The following SLC13A3 variants were observed in gnomAD, a reference collection of about 807,000 sequenced individuals.
SLC13A3 encodes the protein solute carrier family 13 member 3.
A neutral mutation model predicts 59.0 loss-of-function variants in SLC13A3; 40 were observed. That is an observed-to-expected ratio of 0.68 (90% confidence interval 0.53 to 0.88). The LOEUF is 0.88. SLC13A3 is among the 40% of genes least tolerant of loss of function. The probability of loss-of-function intolerance (pLI) is 0.00; values close to 1 mark genes in which losing one functional copy is unlikely to be tolerated. For synonymous variants in SLC13A3, 317 were observed against 330.3 expected (o/e 0.96, Z 0.44); for missense variants, 699 against 783.2 (o/e 0.89, Z 1.28).
chr20:46,673,754 T>G (rs1490720215), upstream of SLC13A3: 1 of 152,214 alleles, frequency 6.6e-6, no homozygotes, highest in Non-Finnish European at 1.5e-5. Flanking sequence ...GGAGTCCCAA[T>G]TGCCCCCTGC....
chr20:46,561,414 T>G (rs1024099926), intron 12 of SLC13A3, among the ~76,000 whole-genome samples: 16 of 152,296 alleles, frequency 1.1e-4, no homozygotes, highest in Middle Eastern at 3.4e-3. Flanking sequence ...CTCAGATTTT[T>G]GGGGTTCACA....
At chr20:46,598,410 A>T (rs149260160) in intron 4 of SLC13A3, among the ~76,000 whole-genome samples, 1 of 152,334 alleles carries the variant, frequency 6.6e-6, no homozygotes, top group African/African-American at 2.4e-5. Context: ...CCTAGAGTTT[A>T]TCTAGAGCAA....
At position 46,610,666 on chromosome 20, in the gene SLC13A3, T is replaced by A. The variant is rs189751411; in HGVS notation, c.378-57A>T. On this transcript the variant is annotated intron_variant, in intron 2 of 12. Coordinates refer to ENST00000279027, the MANE Select transcript of SLC13A3 (RefSeq NM_022829.6). ...AGAACCCAGGGCCCAGGAGATCCTC[T>A]GGTCCCAGTTTGCCATCCCTGAGGA... 36 of 1,473,410 alleles carry A rather than the reference T, an allele frequency of 2.4e-5. No individual in the cohort carries two copies. The East Asian group carries it at 8.2e-4, about 34-fold the overall frequency. The allele number at this position is 1,473,410 out of a possible 1,614,324, so 91.3% of individuals were successfully genotyped here.
At chr20:46,581,736 C>T (rs1263073681) in intron 9 of SLC13A3, among the ~76,000 whole-genome samples, 3 of 152,214 alleles carry the variant, frequency 2.0e-5, no homozygotes, top group East Asian at 1.9e-4. Context: ...GGGGATCAGA[C>T]ACTATAAGGG....
intron 1 of SLC13A3, among the ~76,000 whole-genome samples, chr20:46,669,149 T>A (rs918284287): frequency 5.9e-5 from 9 of 152,226 alleles, no homozygotes; most frequent in Non-Finnish European, 1.5e-5. Flanking sequence ...TGAACTCTTT[T>A]TCTTGTTGGA....
At chr20:46,582,255 G>T (rs1195155023) in intron 9 of SLC13A3, among the ~76,000 whole-genome samples, 5 of 151,892 alleles carry the variant, frequency 3.3e-5, no homozygotes, top group Admixed American at 3.3e-4. Context: ...AAGTAGCTGG[G>T]ACTACCAGGA....
chr20:46,672,226 T>A (rs2063096955), upstream of SLC13A3, among the ~76,000 whole-genome samples: 1 of 152,208 alleles, frequency 6.6e-6, no homozygotes, highest in Non-Finnish European at 1.5e-5. Flanking sequence ...ATGAGATGGG[T>A]TGAATTGAAT....
At chr20:46,674,546 C>T (rs542771255), upstream of SLC13A3, among the ~76,000 whole-genome samples, 1 of 151,926 alleles carries the variant, frequency 6.6e-6, no homozygotes, top group Admixed American at 6.5e-5. Flanking sequence ...GGACTATACT[C>T]TGTTTTGCCT....
At chr20:46,566,459 G>T (rs766658329) in intron 10 of SLC13A3, 69 bp from the exon 11 acceptor site, 1 of 1,528,776 alleles carries the variant, frequency 6.5e-7, no homozygotes, top group African/African-American at 1.4e-5. Flanking sequence ...AGAGGGTTAG[G>T]ATAGATCACA....
intron 11 of SLC13A3, 68 bp from the exon 12 acceptor site, chr20:46,563,619 A>AGAGAGAGT (rs2146076693): frequency 6.8e-7 from 1 of 1,461,784 alleles, no homozygotes; most frequent in Non-Finnish European, 9.3e-7. Context: ...CAAGAGGGAG[A>AGAGAGAGT]GAGAGAGAGA....
At chr20:46,583,503 C>A in intron 9 of SLC13A3, 69 bp downstream of exon 9, 1 of 1,584,556 alleles carries the variant, frequency 6.3e-7, no homozygotes, top group Non-Finnish European at 8.6e-7. Context: ...GGCTCCAGGC[C>A]CTTGATGACC....
At chr20:46,656,085 TTATA>T (rs1029028082), upstream of SLC13A3, among the ~76,000 whole-genome samples, 53 of 137,794 alleles carry the variant, frequency 3.8e-4, 2 homozygotes, top group Admixed American at 6.6e-4. Context: ...TACATATATA[TTATA>T]TATACTGTAC....
At chr20:46,580,559 G>A (rs1011428880) in intron 9 of SLC13A3, among the ~76,000 whole-genome samples, 1 of 151,848 alleles carries the variant, frequency 6.6e-6, no homozygotes. Context: ...AAACTCAATT[G>A]TAACCCCTGA....
intron 1 of SLC13A3, among the ~76,000 whole-genome samples, chr20:46,677,854 T>C (rs1258473314): frequency 1.3e-5 from 2 of 152,150 alleles, no homozygotes; most frequent in Non-Finnish European, 2.9e-5. Context: ...CAGGCCCCTC[T>C]AAAAGAAGAG....
chr20:46,641,272 T>C (rs1380309018), intron 1 of SLC13A3, among the ~76,000 whole-genome samples: 1 of 152,136 alleles, frequency 6.6e-6, no homozygotes, highest in Non-Finnish European at 1.5e-5. Flanking sequence ...TCCAAATTCA[T>C]GGAATGAATA....
At chr20:46,627,232 G>C (rs1008253836) in intron 1 of SLC13A3, among the ~76,000 whole-genome samples, 3 of 152,138 alleles carry the variant, frequency 2.0e-5, no homozygotes, top group Non-Finnish European at 4.4e-5. Flanking sequence ...TCATATGCAG[G>C]GGACAATTTA....
intron 1 of SLC13A3, among the ~76,000 whole-genome samples, chr20:46,680,994 TG>T (rs1328468175): frequency 1.3e-5 from 2 of 152,184 alleles, no homozygotes; most frequent in African/African-American, 4.8e-5. Flanking sequence ...CAAGGAGACA[TG>T]GGCTGGGAAG....
At chr20:46,648,257 T>G (rs2062915138) in intron 1 of SLC13A3, among the ~76,000 whole-genome samples, 1 of 151,144 alleles carries the variant, frequency 6.6e-6, no homozygotes, top group South Asian at 2.1e-4. Flanking sequence ...AAATGGGAAA[T>G]GGATTAAATG....
At chr20:46,566,919 A>T (rs1321168324) in intron 10 of SLC13A3, among the ~76,000 whole-genome samples, 2 of 151,982 alleles carry the variant, frequency 1.3e-5, no homozygotes, top group African/African-American at 4.8e-5. Flanking sequence ...CAATGTAATT[A>T]TCAATAATAA....
Sources: gnomAD v4.1 joint callset for allele counts (sites outside exome capture counted in the v4.1 genomes callset) on GRCh38, gnomAD v4.1.1 for gene constraint, MANE v1.5 for transcripts, NCBI Gene and HGNC (gene_info 2026-07-23, HGNC 2026-07-21) for gene names.